PRMT8: variants seen among roughly 807,000 people sequenced by gnomAD.
The protein encoded by PRMT8 is protein arginine N-methyltransferase 8.
PRMT8 carries 7 observed loss-of-function variants against 47.1 expected under a neutral mutation model. The ratio of observed to expected loss-of-function variants is 0.15; its 90% confidence interval spans 0.08 to 0.28. PRMT8 has a LOEUF of 0.28. PRMT8 is among the 10% of genes least tolerant of loss of function. The pLI, the probability that PRMT8 is intolerant of heterozygous loss-of-function variation, is 1.00. For missense variants in PRMT8, 237 were observed against 505.4 expected, an observed-to-expected ratio of 0.47 and a Z score of 5.09; for synonymous variants, 188 against 186.5, an observed-to-expected ratio of 1.01 and a Z score of -0.07.
chr12:3,506,014 A>T (rs1479469816), intron 1 of PRMT8, among the ~76,000 whole-genome samples: 1 of 152,184 alleles, frequency 6.6e-6, no homozygotes, highest in Non-Finnish European at 1.5e-5. Context: ...AAGGACAATA[A>T]ATAACTAAAA....
intron 2 of PRMT8, among the ~76,000 whole-genome samples, chr12:3,545,808 A>C (rs1189999890): frequency 6.6e-6 from 1 of 152,172 alleles, no homozygotes; most frequent in Non-Finnish European, 1.5e-5. Flanking sequence ...ACACAAATGC[A>C]CAAAAAAAAT....
upstream of PRMT8, among the ~76,000 whole-genome samples, chr12:3,488,106 CTTGT>C (rs1360049192): frequency 6.6e-6 from 1 of 152,122 alleles, no homozygotes; most frequent in Admixed American, 6.5e-5. Context: ...TGGGCAATTC[CTTGT>C]GTTTTTGTTT....
At chr12:3,495,663 A>G (rs1203248093) in intron 1 of PRMT8, among the ~76,000 whole-genome samples, 1 of 152,188 alleles carries the variant, frequency 6.6e-6, no homozygotes, top group African/African-American at 2.4e-5. Flanking sequence ...TAGATAATGC[A>G]CTTTTTTTTG....
Position 3,483,715 on chromosome 12 carries a change from A to G in PRMT8, c.49-56891A>G, listed in dbSNP as rs191096133. Among the ~76,000 whole-genome samples, 181 of 152,368 alleles carry G rather than the reference A, an allele frequency of 1.2e-3. 1 individual carries two copies. The highest frequency in any genetic ancestry group is 0.01 in the Middle Eastern group (3 of 294). On this transcript the variant is annotated intron_variant, in intron 1 of 9. Coordinates refer to the PRMT8 transcript ENST00000452611. The stretch of plus-strand genomic sequence containing the variant: ...GAATATATTTTGTAGTCAAGAATTG[A>G]TAGACAGGTAGAAATTTTATTTGCA...
At position 3,492,361 on chromosome 12, in the gene PRMT8, G is replaced by A. The variant is rs932285004; in HGVS notation, c.75+661G>A. 6.6e-6 allele frequency among the ~76,000 whole-genome samples: 1 copy of A among 152,068 alleles called. No individual in the cohort carries two copies. Among genetic ancestry groups the A allele is most frequent in the African/African-American group, 2.4e-5 (1 of 41,418 alleles). On this transcript the variant is annotated intron_variant, in intron 1 of 9. Transcript: ENST00000382622. The surrounding 1 kb of genome is among the most constrained non-coding windows in gnomAD (Gnocchi z 7.5). The stretch of plus-strand genomic sequence containing the variant: ...GGTAGCTAAACCCGGCAGGGCACAC[G>A]GGCCGCGGCCACCTTCAGCACCAGG...
At chr12:3,555,572 GC>G (rs1866512275) in intron 4 of PRMT8, among the ~76,000 whole-genome samples, 1 of 152,218 alleles carries the variant, frequency 6.6e-6, no homozygotes, top group Non-Finnish European at 1.5e-5. Context: ...TTCTCCAGGT[GC>G]TGCAGTCTGT....
At chr12:3,421,743 A>G (rs1373955737) in intron 1 of PRMT8, among the ~76,000 whole-genome samples, 1 of 152,166 alleles carries the variant, frequency 6.6e-6, no homozygotes, top group East Asian at 1.9e-4. Context: ...ATTTAATCGC[A>G]GCATTTTGGT....
In PRMT8 at chr12:3,453,350, TC is replaced by T. The variant is rs1670412512; in HGVS notation, c.48+71912del. On this transcript the variant is annotated intron_variant, in intron 1 of 9. Coordinates refer to the PRMT8 transcript ENST00000452611. The surrounding 1 kb of genome is among the most constrained non-coding windows in gnomAD (Gnocchi z 4.9). ...CCCCAGTGTTGAGTCTGGCAGCAGATCCCCAAGGGGTAGAGTTTGCACTGGT... is the reference window on the plus strand; with the variant it reads ...CCCCAGTGTTGAGTCTGGCAGCAGATCCCAAGGGGTAGAGTTTGCACTGGT... Among the ~76,000 whole-genome samples the T allele has an allele frequency of 6.6e-6, 1 of 152,040 alleles. No homozygotes were observed. Among genetic ancestry groups the T allele is most frequent in the African/African-American group, 2.4e-5 (1 of 41,390 alleles).
chr12:3,512,447 C>T (rs1393212907), intron 1 of PRMT8, among the ~76,000 whole-genome samples: 3 of 152,058 alleles, frequency 2.0e-5, no homozygotes, highest in Non-Finnish European at 1.5e-5. Context: ...AGTTCCTCAC[C>T]TTTCCTTCCA....
At chr12:3,447,338 T>C (rs997473819) in intron 1 of PRMT8, among the ~76,000 whole-genome samples, 5 of 152,206 alleles carry the variant, frequency 3.3e-5, no homozygotes, top group South Asian at 2.1e-4. Context: ...CTTAATTTTA[T>C]TGGGGACATT....
chr12:3,568,604 C>T, intron 4 of PRMT8, 102 bp from the exon 5 acceptor site: 1 of 1,335,708 alleles, frequency 7.5e-7, no homozygotes, highest in Non-Finnish European at 1.0e-6. Flanking sequence ...AAAGTAGAAT[C>T]AGAATAGGGC....
chr12:3,496,325 G>A (rs969915164), intron 1 of PRMT8, among the ~76,000 whole-genome samples: 7 of 146,812 alleles, frequency 4.8e-5, no homozygotes, highest in Middle Eastern at 3.6e-3. Flanking sequence ...GAGATTAGGG[G>A]TTGCAGTGAG....
chr12:3,540,867 G>A, intron 2 of PRMT8, 76 bp downstream of exon 2: 1 of 1,443,114 alleles, frequency 6.9e-7, no homozygotes, highest in South Asian at 1.3e-5. Context: ...GCAGCATAGT[G>A]TGTTCAACTC....
intron 1 of PRMT8, among the ~76,000 whole-genome samples, chr12:3,420,201 A>ACT (rs151074859): frequency 8.1e-5 from 12 of 148,958 alleles, no homozygotes; most frequent in African/African-American, 2.5e-4. Flanking sequence ...CAGACTCAAA[A>ACT]CTCTCTCTCT....
intron 1 of PRMT8, among the ~76,000 whole-genome samples, chr12:3,415,153 CACTT>C (rs756264835): frequency 1.3e-5 from 2 of 152,054 alleles, no homozygotes; most frequent in African/African-American, 2.4e-5. Flanking sequence ...CTCAGGGAAA[CACTT>C]ACATTTGCCA....
At chr12:3,418,305 G>A (rs1242705572) in intron 1 of PRMT8, among the ~76,000 whole-genome samples, 4 of 152,158 alleles carry the variant, frequency 2.6e-5, no homozygotes, top group East Asian at 1.9e-4. Flanking sequence ...TCTAAGTCCC[G>A]TGTTTAAGAA....
intron 3 of PRMT8, chr12:3,551,898 C>CAGAGAAAGGTGCAGAGAAAAGCT (rs1866427992): frequency 1.3e-5 from 2 of 152,362 alleles, no homozygotes; most frequent in Non-Finnish European, 2.9e-5. Context: ...GAGACAGAGA[C>CAGAGAAAGGTGCAGAGAAAAGCT]AGAGAAAGGT....
At chr12:3,446,346 T>C (rs751879613) in intron 1 of PRMT8, among the ~76,000 whole-genome samples, 7 of 151,990 alleles carry the variant, frequency 4.6e-5, no homozygotes, top group Non-Finnish European at 7.4e-5. Context: ...TGCTCCTGTC[T>C]GTAGAATCCT....
intron 2 of PRMT8, among the ~76,000 whole-genome samples, chr12:3,546,381 C>T (rs1866327619): frequency 6.6e-6 from 1 of 151,936 alleles, no homozygotes; most frequent in African/African-American, 2.4e-5. Context: ...GTGGAGAAAA[C>T]CAACAAAGCC....
Sources: gnomAD v4.1 joint callset for allele counts (sites outside exome capture counted in the v4.1 genomes callset) on GRCh38, gnomAD v4.1.1 for gene constraint, Gnocchi (gnomAD v3.1) non-coding constraint, MANE v1.5 for transcripts, NCBI Gene and HGNC (gene_info 2026-07-23, HGNC 2026-07-21) for gene names.